TMEM253: variants seen among roughly 807,000 people sequenced by gnomAD.
TMEM253 encodes the protein transmembrane protein 253, also known as transmembrane protein C14orf176.
In TMEM253, 22 loss-of-function variants were observed where a neutral mutation model predicts 20.3. That is an observed-to-expected ratio of 1.08 (90% CI 0.78 to 1.55). The LOEUF is 1.55. TMEM253 is among the 40% of genes most tolerant of loss of function. The pLI, the probability that TMEM253 is intolerant of heterozygous loss-of-function variation, is 0.00. For missense variants in TMEM253, 251 were observed against 266.1 expected (o/e 0.94, Z 0.39); for synonymous variants, 92 against 102.6 (o/e 0.90, Z 0.62).
chr14:21,102,988 A>T (rs1889742968), intron 6 of TMEM253, 151 bp from the exon 7 acceptor site: 5 of 1,404,480 alleles, frequency 3.6e-6, no homozygotes. Flanking sequence ...ATTGAGGTTA[A>T]AAGAGTGGGA....
At chr14:21,100,521 T>C (rs1188681882), upstream of TMEM253, among the ~76,000 whole-genome samples, 1 of 141,884 alleles carries the variant, frequency 7.0e-6, no homozygotes, top group Non-Finnish European at 1.6e-5. Flanking sequence ...GACTCACTAT[T>C]TGAGGACCAT....
chr14:21,099,622 G>A (rs573051402), upstream of TMEM253, among the ~76,000 whole-genome samples: 9 of 152,340 alleles, frequency 5.9e-5, no homozygotes, highest in East Asian at 1.3e-3. Context: ...GTCTTCTGGC[G>A]CAGTCTCCTC....
rs1889653457 is a variant in TMEM253, at chr14:21,101,856, T to C, written c.109-9T>C. ...AGTTCCTCCCCAATTACCCTACCCT[T>C]ACCCCCAGGTGAGCCAGCTATGGCT... On this transcript the variant is annotated splice_polypyrimidine_tract_variant and intron_variant, in intron 2 of 6. Transcript: ENST00000556585. The C allele has an allele frequency of 6.4e-7, 1 of 1,550,758 alleles. No homozygotes were observed. Among genetic ancestry groups the C allele is most frequent in the Non-Finnish European group, 8.7e-7 (1 of 1,146,346 alleles).
intron 2 of TMEM253, 169 bp downstream of exon 2, chr14:21,101,620 C>G (rs1016751905): frequency 1.5e-6 from 1 of 684,558 alleles, no homozygotes; most frequent in African/African-American, 1.8e-5. Flanking sequence ...CAAGGCAAGA[C>G]CCTTAATCTC....
chr14:21,100,550 G>GATAT (rs1167140551), upstream of TMEM253, among the ~76,000 whole-genome samples: 1 of 152,040 alleles, frequency 6.6e-6, no homozygotes, highest in Non-Finnish European at 1.5e-5. Flanking sequence ...TAGATAGATA[G>GATAT]ATAGATAATG....
At chr14:21,100,532 G>GAGAT (rs3062000), upstream of TMEM253, among the ~76,000 whole-genome samples, 82,916 of 150,100 alleles carry the variant, frequency 0.55, 23,332 homozygotes, top group Middle Eastern at 0.63. Flanking sequence ...TGAGGACCAT[G>GAGAT]AGATAGATAG....
In TMEM253 at chr14:21,103,124, GTC is replaced by G. The variant is rs1267686927; in HGVS notation, c.535-11_535-10del. 1 of 1,551,700 alleles carries G rather than the reference GTC, an allele frequency of 6.4e-7. No individual in the cohort carries two copies. The highest frequency in any genetic ancestry group is 8.7e-7 in the Non-Finnish European group (1 of 1,146,998). On this transcript the variant is annotated splice_polypyrimidine_tract_variant and intron_variant, in intron 6 of 6. Coordinates refer to ENST00000556585, the Ensembl canonical transcript of TMEM253. ...TCACCTCTACAATTTGCTCACACCT[GTC>G]TCTGGTTTTCAGGGCTTCTCTGAGT...
chr14:21,101,654 G>C (rs776055200), intron 2 of TMEM253: 57 of 651,168 alleles, frequency 8.8e-5, no homozygotes, highest in Middle Eastern at 8.5e-4. Flanking sequence ...ATCTTGTGGG[G>C]GAAAACATAC....
At chr14:21,101,666 G>A (rs961985231) in intron 2 of TMEM253, 199 bp from the exon 3 acceptor site, 5 of 642,362 alleles carry the variant, frequency 7.8e-6, no homozygotes, top group Admixed American at 3.0e-5. Context: ...AAAACATACA[G>A]GTAAGTAACT....
chr14:21,100,180 T>C (rs763881295), upstream of TMEM253, among the ~76,000 whole-genome samples: 16 of 152,028 alleles, frequency 1.1e-4, no homozygotes, highest in Admixed American at 6.6e-5. Flanking sequence ...TTAGGCAACA[T>C]TGTGAGACGA....
intron 2 of TMEM253, 46 bp from the exon 3 acceptor site, chr14:21,101,819 G>A (rs1889649792): frequency 6.9e-7 from 1 of 1,459,818 alleles, no homozygotes. Context: ...GAGAAGGGAG[G>A]GAATCCCTGA....
At chr14:21,099,905 C>T (rs951794129), upstream of TMEM253, among the ~76,000 whole-genome samples, 11 of 152,146 alleles carry the variant, frequency 7.2e-5, no homozygotes, top group African/African-American at 2.7e-4. Flanking sequence ...CCCCAGCTTC[C>T]TTCTGAATAA....
At chr14:21,102,923 G>T in intron 6 of TMEM253, 144 bp downstream of exon 6, 1 of 1,378,440 alleles carries the variant, frequency 7.3e-7, no homozygotes, top group Middle Eastern at 2.5e-4. Flanking sequence ...GGCTTTCTCT[G>T]GCTTTGAACA....
At chr14:21,103,415 A>T (rs1159375621) in exon 7 of TMEM253, 3 of 1,241,350 alleles carry the variant, frequency 2.4e-6, no homozygotes, top group Non-Finnish European at 3.2e-6. Flanking sequence ...ATACACCTGG[A>T]CGAGAATATA....
Position 21,101,390 on chromosome 14 carries a change from G to C in TMEM253, c.47G>C (p.Arg16Pro), listed in dbSNP as rs1288167539. ...CAAGAGCAGGAGAGACACAGCCTTC[G>C]TCTGGAAAAGCTACAACACTGGGCA... The change falls in exon 2 of 7, where the codon CGT becomes CCT. Residue 16 changes from arginine to proline, a missense_variant. Coordinates refer to ENST00000556585, the Ensembl canonical transcript of TMEM253. The C allele has an allele frequency of 7.1e-6, 11 of 1,551,674 alleles. No homozygotes were observed. The South Asian group carries it at 1.1e-4, about 15-fold the overall frequency.
chr14:21,103,438 C>CA, exon 7 of TMEM253: 1 of 1,038,160 alleles, frequency 9.6e-7, no homozygotes, highest in Non-Finnish European at 1.3e-6. Flanking sequence ...CTCACCTCAC[C>CA]ACCCTGAAAA....
At chr14:21,099,878 C>T (rs1360818272), upstream of TMEM253, among the ~76,000 whole-genome samples, 1 of 152,106 alleles carries the variant, frequency 6.6e-6, no homozygotes, top group African/African-American at 2.4e-5. Flanking sequence ...GTTCTGCTTC[C>T]GACTGTAGAA....
At chr14:21,102,379 G>A in intron 4 of TMEM253, 26 bp from the exon 5 acceptor site, 1 of 1,551,060 alleles carries the variant, frequency 6.4e-7, no homozygotes, top group Non-Finnish European at 8.7e-7. Context: ...CCTAGGCTGG[G>A]CAGGGCTGAG....
At chr14:21,098,891 A>G, upstream of TMEM253, 1 of 1,275,794 alleles carries the variant, frequency 7.8e-7, no homozygotes, top group Non-Finnish European at 1.0e-6. Flanking sequence ...TTTATCTCAA[A>G]GCCTCTCCCT....
Sources: gnomAD v4.1 joint callset for allele counts (sites outside exome capture counted in the v4.1 genomes callset) on GRCh38, gnomAD v4.1.1 for gene constraint, MANE v1.5 for transcripts, NCBI Gene and HGNC (gene_info 2026-07-23, HGNC 2026-07-21) for gene names.